The following ASB4 variants were observed in gnomAD, a reference collection of about 807,000 sequenced individuals.
ASB4 encodes ankyrin repeat and SOCS box containing 4.
In ASB4, 35 loss-of-function variants were observed where a neutral mutation model predicts 38.6. The observed-to-expected ratio is 0.91, with a 90% CI of 0.69 to 1.20. ASB4 has a LOEUF of 1.20. Ranked by LOEUF, ASB4 falls within the 50% of genes most tolerant of loss-of-function variation. ASB4 has a pLI of 0.00. For synonymous variants in ASB4, 195 were observed against 201.3 expected (o/e 0.97, Z 0.26); for missense variants, 557 against 527.2 (o/e 1.06, Z -0.55).
In ASB4 at chr7:95,508,266, G is replaced by C. The variant is rs148639746; in HGVS notation, c.487+12209G>C. Among the ~76,000 whole-genome samples the C allele has an allele frequency of 2.6e-5, 4 of 152,222 alleles. No individual in the cohort carries two copies. The East Asian group carries it at 7.7e-4, about 29-fold the overall frequency. ...GAACCTCTGTTCTATCGTAGCCAGA[G>C]GCAGAGAAGGAGAGAATGAGAGTTG... On this transcript the variant is annotated intron_variant, in intron 2 of 4. Coordinates refer to ENST00000325885, the MANE Select transcript of ASB4 (RefSeq NM_016116.3).
At chr7:95,490,940 G>A (rs1473528539) in intron 1 of ASB4, among the ~76,000 whole-genome samples, 6 of 152,206 alleles carry the variant, frequency 3.9e-5, no homozygotes, top group Non-Finnish European at 5.9e-5. Flanking sequence ...TGTAGCCTTC[G>A]GATCATAGAC....
intron 2 of ASB4, among the ~76,000 whole-genome samples, chr7:95,513,055 T>C (rs1276655038): frequency 6.6e-6 from 1 of 152,092 alleles, no homozygotes; most frequent in Non-Finnish European, 1.5e-5. Context: ...AATGTGGCTA[T>C]AGAAGGAAGG....
At chr7:95,477,557 T>C (rs762740868), upstream of ASB4, among the ~76,000 whole-genome samples, 9 of 152,194 alleles carry the variant, frequency 5.9e-5, no homozygotes, top group Non-Finnish European at 1.3e-4. Context: ...TGCAAAACTA[T>C]AGAAAACTAC....
rs1035009695 is a variant in ASB4, at chr7:95,499,852, C to T, written c.487+3795C>T. On this transcript the variant is annotated intron_variant, in intron 2 of 4. Transcript: ENST00000325885. ...GAGATGAGATTAAATCCAGAGACTA[C>T]GGGATACATCCTCTTTTTTTTTTTT... is the stretch of plus-strand genomic sequence containing the variant. Among the ~76,000 whole-genome samples the T allele has an allele frequency of 9.6e-5, 14 of 145,854 alleles. 1 individual carries two copies. The highest frequency in any genetic ancestry group is 2.5e-4 in the African/African-American group (10 of 39,422).
At chr7:95,549,301 A>ATTTTTTTT in the ASB4 span, among the ~76,000 whole-genome samples, 3 of 114,862 alleles carry the variant, frequency 2.6e-5, no homozygotes, top group Admixed American at 8.8e-5. Context: ...AGGAGACTCC[A>ATTTTTTTT]TTTTTTTTTT....
intron 2 of ASB4, among the ~76,000 whole-genome samples, chr7:95,515,052 C>G (rs1021959565): frequency 6.6e-6 from 1 of 152,172 alleles, no homozygotes; most frequent in African/African-American, 2.4e-5. Flanking sequence ...CTGTGGTCCT[C>G]CACACACTGT....
At chr7:95,524,765 A>G (rs1790714237) in intron 2 of ASB4, among the ~76,000 whole-genome samples, 1 of 152,206 alleles carries the variant, frequency 6.6e-6, no homozygotes, top group African/African-American at 2.4e-5. Context: ...GACACAAATG[A>G]GACAGCCAAG....
At chr7:95,528,989 G>A (rs1223627263) in intron 3 of ASB4, among the ~76,000 whole-genome samples, 3 of 152,104 alleles carry the variant, frequency 2.0e-5, no homozygotes, top group African/African-American at 7.2e-5. Flanking sequence ...ACACTGCACG[G>A]TTTTTCTTAA....
rs1790934213 is a variant in ASB4, at chr7:95,538,965, G to T, written c.*1206G>T. Reference sequence around the variant, plus strand: ...GGTAAAAGTTTGAGAAACTTGGGAAGATTAGTGTGTTAATCAGGCTTGCTA... The same window carrying T: ...GGTAAAAGTTTGAGAAACTTGGGAATATTAGTGTGTTAATCAGGCTTGCTA... On this transcript the variant is annotated 3_prime_UTR_variant, in exon 5 of 5. Transcript: ENST00000325885. The T allele has an allele frequency of 6.6e-6, 1 of 152,156 alleles. No individual in the cohort carries two copies. Among genetic ancestry groups the T allele is most frequent in the Non-Finnish European group, 1.5e-5 (1 of 68,010 alleles). 9.4% of individuals were successfully genotyped at this position (152,156 alleles called of 1,614,324 possible). A position where few individuals can be genotyped will look rare whatever the true frequency, so the allele number is the denominator to read the frequency against.
At chr7:95,537,357 G>C (rs1234329180) in intron 4 of ASB4, among the ~76,000 whole-genome samples, 1 of 151,952 alleles carries the variant, frequency 6.6e-6, no homozygotes, top group East Asian at 1.9e-4. Context: ...TTATCTCCTG[G>C]GTTCTGAATT....
upstream of ASB4, among the ~76,000 whole-genome samples, chr7:95,477,105 AT>A (rs879286046): frequency 5.5e-4 from 81 of 146,764 alleles, no homozygotes; most frequent in Admixed American, 8.8e-4. Context: ...ATTGGCTTGG[AT>A]TTTTTTTTTT....
At chr7:95,528,421 C>A in intron 3 of ASB4, 118 bp downstream of exon 3, 1 of 1,531,156 alleles carries the variant, frequency 6.5e-7, no homozygotes. Context: ...TACCTCTGAT[C>A]CTCTTTGACC....
chr7:95,515,316 T>TCTTTCTTTCTTTCTTTCTTTCTTC (rs1420581416), intron 2 of ASB4, among the ~76,000 whole-genome samples: 10 of 95,768 alleles, frequency 1.0e-4, no homozygotes, highest in Non-Finnish European at 1.9e-4. Context: ...TTTCTTTCTT[T>TCTTTCTTTCTTTCTTTCTTTCTTC]CTTCCTTCCT....
chr7:95,500,609 T>C (rs1364213755), intron 2 of ASB4, among the ~76,000 whole-genome samples: 2 of 148,322 alleles, frequency 1.3e-5, no homozygotes, highest in African/African-American at 5.0e-5. Context: ...CATGATCTTT[T>C]CAACCTGCGG....
intron 1 of ASB4, among the ~76,000 whole-genome samples, chr7:95,495,556 C>T (rs1161911219): frequency 1.3e-5 from 2 of 152,108 alleles, no homozygotes; most frequent in Non-Finnish European, 2.9e-5. Flanking sequence ...AAGCCTGTTC[C>T]CCTGATGAAT....
chr7:95,548,239 T>A, the ASB4 span, among the ~76,000 whole-genome samples: 1 of 152,218 alleles, frequency 6.6e-6, no homozygotes, highest in Non-Finnish European at 1.5e-5. Flanking sequence ...ATGTAAGTCT[T>A]TTTAATTTTA....
At chr7:95,525,836 T>G (rs2116641727) in intron 2 of ASB4, among the ~76,000 whole-genome samples, 1 of 152,340 alleles carries the variant, frequency 6.6e-6, no homozygotes, top group Non-Finnish European at 1.5e-5. Flanking sequence ...TTGGTTACAA[T>G]TCTGCCTTCT....
At chr7:95,492,299 A>C (rs59513981) in intron 1 of ASB4, among the ~76,000 whole-genome samples, 1,875 of 152,334 alleles carry the variant, frequency 0.012, 41 homozygotes, top group African/African-American at 0.042. Context: ...GGAAGTTAGG[A>C]GGAGGAAAAA....
chr7:95,547,963 C>T, the ASB4 span, among the ~76,000 whole-genome samples: 1 of 152,218 alleles, frequency 6.6e-6, no homozygotes, highest in Non-Finnish European at 1.5e-5. Flanking sequence ...ATCTCTCTTT[C>T]TATGTATATA....
Sources: gnomAD v4.1 joint callset for allele counts (sites outside exome capture counted in the v4.1 genomes callset) on GRCh38, gnomAD v4.1.1 for gene constraint, MANE v1.5 for transcripts, NCBI Gene and HGNC (gene_info 2026-07-23, HGNC 2026-07-21) for gene names.